Variants in CYLD observed in about 807,000 individuals in gnomAD.
CYLD encodes the protein ubiquitin carboxyl-terminal hydrolase CYLD.
Under a neutral mutation model 104.5 loss-of-function variants are expected in CYLD, and 26 were observed. That is an observed-to-expected ratio of 0.25 (90% CI 0.18 to 0.35). The LOEUF (loss-of-function observed/expected upper bound fraction) is 0.35. CYLD is among the 10% of genes least tolerant of loss of function. The pLI is 1.00. For missense variants in CYLD, 703 were observed against 1,136.1 expected, an observed-to-expected ratio of 0.62 and a Z score of 5.48; for synonymous variants, 385 against 399.9, an observed-to-expected ratio of 0.96 and a Z score of 0.45.
chr16:50,762,104 A>G (rs1441125854), intron 5 of CYLD, among the ~76,000 whole-genome samples: 1 of 152,180 alleles, frequency 6.6e-6, no homozygotes, highest in Admixed American at 6.5e-5. Flanking sequence ...GGCCTTCAGC[A>G]CATCCATCAC....
rs1972233018 is a variant in CYLD, at chr16:50,798,579, G to T, written c.*2071G>T. The T allele has an allele frequency of 4.3e-6, 1 of 232,110 alleles. No individual in the cohort carries two copies. Among genetic ancestry groups the T allele is most frequent in the South Asian group, 1.8e-4 (1 of 5,480 alleles). 14.4% of individuals were successfully genotyped at this position (232,110 alleles called of 1,614,324 possible). ...AACCAAACCCCTGCAGATACTAAGG[G>T]CTGACGATCTAGGTAAGACTGGATT... On this transcript the variant is annotated 3_prime_UTR_variant, in exon 19 of 19. Coordinates refer to ENST00000427738, the MANE Select transcript of CYLD (RefSeq NM_001378743.1).
At chr16:50,770,269 G>T (rs1969001519) in intron 5 of CYLD, among the ~76,000 whole-genome samples, 1 of 152,094 alleles carries the variant, frequency 6.6e-6, no homozygotes, top group South Asian at 2.1e-4. Flanking sequence ...CAATATATGG[G>T]TAATCTGGTT....
In CYLD at chr16:50,795,251, C is replaced by CCAAT. The variant is rs1432035800; in HGVS notation, c.2686+823_2686+824insCAAT. ...CATGTTATCTTCCAATTGCCAAAAG[C>CCAAT]TGAGAGCAGAAGTAAACATCCTTTT... On this transcript the variant is annotated intron_variant, in intron 18 of 18. Coordinates refer to ENST00000427738, the MANE Select transcript of CYLD (RefSeq NM_001378743.1). 5.3e-3 allele frequency among the ~76,000 whole-genome samples: 802 copies of CCAAT among 152,314 alleles called. 8 individuals carry two copies. The highest frequency in any genetic ancestry group is 0.018 in the African/African-American group (736 of 41,564).
At chr16:50,762,842 A>G (rs772522296) in intron 5 of CYLD, among the ~76,000 whole-genome samples, 1 of 152,264 alleles carries the variant, frequency 6.6e-6, no homozygotes, top group South Asian at 2.1e-4. Context: ...ATGCTGATGT[A>G]GAAATACAAT....
chr16:50,775,115 CT>C, intron 5 of CYLD, 50 bp from the exon 6 acceptor site: 1 of 1,550,924 alleles, frequency 6.4e-7, no homozygotes, highest in Non-Finnish European at 8.8e-7. Context: ...CTATTTCTTT[CT>C]TTCTGTCCTC....
At chr16:50,756,439 G>A (rs1428384726) in intron 5 of CYLD, among the ~76,000 whole-genome samples, 1 of 152,194 alleles carries the variant, frequency 6.6e-6, no homozygotes, top group Admixed American at 6.5e-5. Flanking sequence ...CAGGGATCAG[G>A]ACTCTAGTCA....
rs969549037 is a variant in CYLD, at chr16:50,755,207, G to GTA, written c.913+788_913+789dup. On this transcript the variant is annotated intron_variant, in intron 5 of 18. Transcript: ENST00000427738. ...TATACACACGTGTACATATGTGTGTGTATATACACACGTGTACATATGTGT... is the reference window on the plus strand; with the variant it reads ...TATACACACGTGTACATATGTGTGTGTATATATACACACGTGTACATATGTGT... Among the ~76,000 whole-genome samples, 4 of 119,500 alleles carry GTA rather than the reference G, an allele frequency of 3.3e-5. No homozygotes were observed. The East Asian group carries it at 8.5e-4, about 25-fold the overall frequency. 78.4% of individuals were successfully genotyped at this position (119,500 alleles called of 152,430 possible).
chr16:50,799,983 GC>G lies in CYLD; in HGVS notation c.*3476del, dbSNP rs1972341818. On this transcript the variant is annotated 3_prime_UTR_variant, in exon 19 of 19. Transcript: ENST00000427738. Reference sequence around the variant, plus strand: ...TTTAACGACAGAATATCTATTAAAGGCTACTTAGCTGAAGGGTAAGGGTGAC... The same window carrying G: ...TTTAACGACAGAATATCTATTAAAGGTACTTAGCTGAAGGGTAAGGGTGAC... The G allele has an allele frequency of 4.3e-6, 1 of 233,050 alleles. No individual in the cohort carries two copies. Among genetic ancestry groups the G allele is most frequent in the Non-Finnish European group, 8.5e-6 (1 of 117,928 alleles). 14.4% of individuals were successfully genotyped at this position (233,050 alleles called of 1,614,324 possible). A position where few individuals can be genotyped will look rare whatever the true frequency, so the allele number is the denominator to read the frequency against.
At chr16:50,785,543 C>T (rs1022937124) in intron 12 of CYLD, 2 of 151,968 alleles carry the variant, frequency 1.3e-5, no homozygotes, top group African/African-American at 4.8e-5. Context: ...ATTTTTTTCC[C>T]CCAAGTAATT....
At position 50,760,098 on chromosome 16, in the gene CYLD, C is replaced by T. The variant is rs775369871; in HGVS notation, c.913+5674C>T. ...ATCTGTCCACCTCTCTATTCACGTA[C>T]TTATCCGTCACGTTTTCTTGTGCAT... On this transcript the variant is annotated intron_variant, in intron 5 of 18. Transcript: ENST00000427738. Among the ~76,000 whole-genome samples, 24 of 152,314 alleles carry T rather than the reference C, an allele frequency of 1.6e-4. No individual in the cohort carries two copies. The South Asian group carries it at 2.1e-3, about 13-fold the overall frequency.
Position 50,754,303 on chromosome 16 carries a change from ATTAT to A in CYLD, c.808-12_808-9del. 1.3e-6 allele frequency: 2 copies of A among 1,515,394 alleles called. No individual in the cohort carries two copies. Among genetic ancestry groups the A allele is most frequent in the Non-Finnish European group, 1.8e-6 (2 of 1,090,764 alleles). The allele number at this position is 1,515,394 out of a possible 1,614,324, so 93.9% of individuals were successfully genotyped here. On this transcript the variant is annotated splice_polypyrimidine_tract_variant and intron_variant, in intron 4 of 18. Coordinates refer to ENST00000427738, the MANE Select transcript of CYLD (RefSeq NM_001378743.1). ...TTCATTGAGGAGGATTTTAATGTTT[ATTAT>A]TTAATTTCTAGGATAACCCTATTGG...
rs1555505259 is a variant in CYLD, at chr16:50,754,886, T to TAC, written c.913+463_913+464dup. On this transcript the variant is annotated intron_variant, in intron 5 of 18. Transcript: ENST00000427738. ...ACACACACACATATGTATATATATA[T>TAC]ACGCATATATACATATACACACATA... 5.9e-4 allele frequency among the ~76,000 whole-genome samples: 88 copies of TAC among 149,826 alleles called. 1 individual carries two copies. The highest frequency in any genetic ancestry group is 1.6e-3 in the African/African-American group (66 of 40,472).
chr16:50,766,984 G>A (rs1968591984), intron 5 of CYLD, among the ~76,000 whole-genome samples: 1 of 152,216 alleles, frequency 6.6e-6, no homozygotes, highest in African/African-American at 2.4e-5. Context: ...GGGCTTGGGA[G>A]AGGATTAACT....
At chr16:50,743,809 G>A (rs911145177) in intron 2 of CYLD, among the ~76,000 whole-genome samples, 3 of 152,074 alleles carry the variant, frequency 2.0e-5, no homozygotes, top group Non-Finnish European at 4.4e-5. Context: ...GAAATTTTCC[G>A]TATTTGTTTC....
chr16:50,752,783 G>A (rs1017598444), intron 4 of CYLD, among the ~76,000 whole-genome samples: 2 of 152,126 alleles, frequency 1.3e-5, no homozygotes, highest in African/African-American at 4.8e-5. Flanking sequence ...CCTTTTGTTT[G>A]TGTCACTTAT....
At position 50,797,329 on chromosome 16, in the gene CYLD, T is replaced by C. The variant is rs1172194980; in HGVS notation, c.*821T>C. ...AAGAATTGGAGTGATAATAGTCCTT[T>C]ACAAACATACAGTCCATAAGAAAAT... On this transcript the variant is annotated 3_prime_UTR_variant, in exon 19 of 19. Coordinates refer to ENST00000427738, the MANE Select transcript of CYLD (RefSeq NM_001378743.1). 4.3e-6 allele frequency: 1 copy of C among 232,232 alleles called. No homozygotes were observed. The highest frequency in any genetic ancestry group is 2.2e-5 in the African/African-American group (1 of 45,320). 14.4% of individuals were successfully genotyped at this position (232,232 alleles called of 1,614,324 possible).
At chr16:50,761,988 C>T (rs74801625) in intron 5 of CYLD, among the ~76,000 whole-genome samples, 2,565 of 152,246 alleles carry the variant, frequency 0.017, 76 homozygotes, top group African/African-American at 0.059. Flanking sequence ...TGTCTTCCCA[C>T]GTTTCAATAC....
intron 9 of CYLD, 36 bp downstream of exon 9, chr16:50,780,080 C>T (rs1159355603): frequency 6.2e-7 from 1 of 1,611,658 alleles, no homozygotes; most frequent in Admixed American, 1.7e-5. Flanking sequence ...CAATTTTTTT[C>T]TCTGTGAGGT....
chr16:50,800,989 C>G lies in CYLD; in HGVS notation c.*4481C>G. ...AGATGTGTGTGGGGCCTTATGAAGA[C>G]CAGGATTCTGCGGGTGTCAGGGGAT... On this transcript the variant is annotated 3_prime_UTR_variant, in exon 19 of 19. Transcript: ENST00000427738. The G allele has an allele frequency of 4.3e-6, 1 of 233,496 alleles. No homozygotes were observed. The highest frequency in any genetic ancestry group is 8.5e-6 in the Non-Finnish European group (1 of 118,092). The allele number at this position is 233,496 out of a possible 1,614,324, so 14.5% of individuals were successfully genotyped here. A position where few individuals can be genotyped will look rare whatever the true frequency, so the allele number is the denominator to read the frequency against.
Sources: allele counts gnomAD v4.1 joint callset (sites outside exome capture counted in the v4.1 genomes callset), GRCh38; gene constraint gnomAD v4.1.1; transcripts MANE v1.5; gene names NCBI Gene and HGNC (gene_info 2026-07-23, HGNC 2026-07-21).